OLR1: variants seen among roughly 807,000 people sequenced by gnomAD.
The protein encoded by OLR1 is oxidized low-density lipoprotein receptor 1.
In OLR1, 23 loss-of-function variants were observed where a neutral mutation model predicts 31.7. The ratio of observed to expected loss-of-function variants is 0.72; its 90% CI spans 0.52 to 1.03. The LOEUF is 1.03. OLR1 is among the 50% of genes least tolerant of loss of function. OLR1 has a pLI of 0.00. For synonymous variants in OLR1, 117 were observed against 115.8 expected, an observed-to-expected ratio of 1.01 and a Z score of -0.07; for missense variants, 286 against 315.7, an observed-to-expected ratio of 0.91 and a Z score of 0.71.
intron 2 of OLR1, 31 bp downstream of exon 2, chr12:10,169,043 A>G: frequency 6.7e-7 from 1 of 1,493,436 alleles, no homozygotes; most frequent in Non-Finnish European, 9.2e-7. Flanking sequence ...CCCTGCCCCA[A>G]TAAACATCAG....
chr12:10,161,600 G>A (rs984746877), intron 3 of OLR1, among the ~76,000 whole-genome samples: 2 of 151,916 alleles, frequency 1.3e-5, no homozygotes, highest in Non-Finnish European at 2.9e-5. Context: ...TTGAAACAGG[G>A]TCTCGCTATG....
chr12:10,175,021 G>C (rs1443902257), upstream of OLR1, among the ~76,000 whole-genome samples: 1 of 152,140 alleles, frequency 6.6e-6, no homozygotes, highest in Non-Finnish European at 1.5e-5. Context: ...TTAAAGATCA[G>C]TGGGATAGTT....
chr12:10,172,814 C>G (rs1948734550), upstream of OLR1, among the ~76,000 whole-genome samples: 2 of 151,986 alleles, frequency 1.3e-5, no homozygotes, highest in Non-Finnish European at 2.9e-5. Flanking sequence ...ATAATGTCTA[C>G]CTGATAACAT....
upstream of OLR1, chr12:10,175,146 G>A (rs952449374): frequency 2.0e-5 from 3 of 152,166 alleles, no homozygotes; most frequent in South Asian, 2.1e-4. Context: ...TTGAGTGTGA[G>A]TGAGACCTAT....
chr12:10,159,622 A>T lies in OLR1; in HGVS notation c.*258T>A, dbSNP rs1159974758. On this transcript the variant is annotated 3_prime_UTR_variant, in exon 6 of 6. Coordinates refer to ENST00000309539, the MANE Select transcript of OLR1 (RefSeq NM_002543.4). ...AGCTTGAAGAGGAGTCAAATTTTAAAATAAAAAGGGGAAAATGGACTTCAG... is the reference window on the plus strand; with the variant it reads ...AGCTTGAAGAGGAGTCAAATTTTAATATAAAAAGGGGAAAATGGACTTCAG... 1 of 308,828 alleles carries T rather than the reference A, an allele frequency of 3.2e-6. No individual in the cohort carries two copies. The highest frequency in any genetic ancestry group is 2.1e-5 in the African/African-American group (1 of 48,228). The allele number at this position is 308,828 out of a possible 1,614,324, so 19.1% of individuals were successfully genotyped here.
chr12:10,169,324 T>C, intron 1 of OLR1, 149 bp from the exon 2 acceptor site: 1 of 481,708 alleles, frequency 2.1e-6, no homozygotes, highest in Non-Finnish European at 3.7e-6. Context: ...CCACTAGTCC[T>C]CCAAATGGCT....
rs1313373404 is a variant in OLR1 at position 10,159,884 on chromosome 12, T to C, written c.818A>G (p.Gln273Arg). 1.2e-6 allele frequency: 2 copies of C among 1,606,250 alleles called. No individual in the cohort carries two copies. The highest frequency in any genetic ancestry group is 3.4e-5 in the Admixed American group (2 of 58,692). The change falls in exon 6 of 6, where the codon CAG becomes CGG. Residue 273 changes from glutamine (Q) to arginine (R), a missense_variant. Transcript: ENST00000309539. The stretch of plus-strand genomic sequence containing the variant: ...TTTCTTCCAGAGCCTTCAAATTCAC[T>C]GTGCTCTTAGGTTTGCCTTCTTCTG... ...ICQKKANLRA[Q>R]
At chr12:10,171,130 A>G (rs1390179403) in intron 1 of OLR1, among the ~76,000 whole-genome samples, 1 of 152,246 alleles carries the variant, frequency 6.6e-6, no homozygotes, top group Non-Finnish European at 1.5e-5. Context: ...AGCAGTTTTT[A>G]TAGCAATTTA....
intron 2 of OLR1, among the ~76,000 whole-genome samples, chr12:10,167,950 A>G (rs1282791646): frequency 6.6e-6 from 1 of 152,232 alleles, no homozygotes; most frequent in African/African-American, 2.4e-5. Flanking sequence ...TAAGATGATC[A>G]AAGGCTCAAA....
Position 10,159,785 on chromosome 12 carries a change from TG to T in OLR1, c.*94del. 1 of 1,283,886 alleles carries T rather than the reference TG, an allele frequency of 7.8e-7. No homozygotes were observed. The highest frequency in any genetic ancestry group is 1.1e-6 in the Non-Finnish European group (1 of 945,942). 79.5% of individuals were successfully genotyped at this position (1,283,886 alleles called of 1,614,324 possible). ...TGCAGCCAGCTAAATGACAGTTTTC[TG>T]GGCTCTCATGTTTGGCACCCAAGTG... is the stretch of plus-strand genomic sequence containing the variant. On this transcript the variant is annotated 3_prime_UTR_variant, in exon 6 of 6. Coordinates refer to ENST00000309539, the MANE Select transcript of OLR1 (RefSeq NM_002543.4).
chr12:10,168,819 G>GAAACA (rs1041866903), intron 2 of OLR1, among the ~76,000 whole-genome samples: 10 of 151,890 alleles, frequency 6.6e-5, no homozygotes, highest in South Asian at 2.1e-4. Context: ...GAAAACAAAA[G>GAAACA]AAACAAAACA....
chr12:10,160,094 G>A (rs1420328047), intron 5 of OLR1, 73 bp from the exon 6 acceptor site: 7 of 1,497,568 alleles, frequency 4.7e-6, no homozygotes, highest in Middle Eastern at 3.6e-4. Flanking sequence ...CAGAAACTTA[G>A]CTTTTGAAAC....
chr12:10,165,017 C>T (rs1948649116), intron 3 of OLR1, among the ~76,000 whole-genome samples: 1 of 152,152 alleles, frequency 6.6e-6, no homozygotes, highest in Admixed American at 6.5e-5. Context: ...AATCCCAGCA[C>T]TTTGGGAGGC....
At chr12:10,162,506 C>A (rs1466911722) in intron 3 of OLR1, among the ~76,000 whole-genome samples, 1 of 152,192 alleles carries the variant, frequency 6.6e-6, no homozygotes, top group African/African-American at 2.4e-5. Context: ...GTTTGCCTAA[C>A]CCCATCATAT....
At position 10,158,533 on chromosome 12, in the gene OLR1, A is replaced by G. The variant is rs1194486074; in HGVS notation, c.*1347T>C. ...AAAAAAAGACATACTATATGATTCC[A>G]TTCACATAAAACTACAAAATGCAAA... On this transcript the variant is annotated 3_prime_UTR_variant, in exon 6 of 6. Transcript: ENST00000309539. 1 of 152,198 alleles carries G rather than the reference A, an allele frequency of 6.6e-6. No homozygotes were observed. Among genetic ancestry groups the G allele is most frequent in the Non-Finnish European group, 1.5e-5 (1 of 68,040 alleles). 9.4% of individuals were successfully genotyped at this position (152,198 alleles called of 1,614,324 possible).
chr12:10,168,260 T>C (rs959004385), intron 2 of OLR1, among the ~76,000 whole-genome samples: 2 of 152,164 alleles, frequency 1.3e-5, no homozygotes, highest in Non-Finnish European at 2.9e-5. Flanking sequence ...TTCTAAATGC[T>C]CTTATTATAA....
intron 5 of OLR1, 28 bp downstream of exon 5, chr12:10,160,319 G>A (rs765235701): frequency 4.6e-6 from 7 of 1,537,356 alleles, no homozygotes; most frequent in African/African-American, 1.4e-5. Context: ...ACTGACGAGA[G>A]AGGCATCAAA....
intron 2 of OLR1, among the ~76,000 whole-genome samples, chr12:10,168,371 A>G (rs1461417847): frequency 6.6e-6 from 1 of 152,220 alleles, no homozygotes; most frequent in African/African-American, 2.4e-5. Flanking sequence ...AAACTCAGCA[A>G]GCTAAATAAA....
At chr12:10,172,174 G>C (rs915342731), upstream of OLR1, 8 of 779,980 alleles carry the variant, frequency 1.0e-5, no homozygotes, top group African/African-American at 1.4e-4. Context: ...AATAGCTACT[G>C]TTATCTAATA....
Sources: gnomAD v4.1 joint callset for allele counts (sites outside exome capture counted in the v4.1 genomes callset) on GRCh38, gnomAD v4.1.1 for gene constraint, MANE v1.5 for transcripts, NCBI Gene and HGNC (gene_info 2026-07-23, HGNC 2026-07-21) for gene names.